Variants in DSCAM observed in about 807,000 individuals in gnomAD.
DSCAM encodes DS cell adhesion molecule, also known as cell adhesion molecule DSCAM.
DSCAM carries 47 observed loss-of-function variants against 217.7 expected under a neutral mutation model. That is an observed-to-expected ratio of 0.22 (90% CI 0.17 to 0.28). The LOEUF (loss-of-function observed/expected upper bound fraction) is 0.28. Ranked by LOEUF, DSCAM falls within the 10% of genes least tolerant of loss-of-function variation. The pLI is 1.00. For synonymous variants in DSCAM, 1,056 were observed against 1,015.3 expected (o/e 1.04, Z -0.76); for missense variants, 2,080 against 2,618.3 (o/e 0.79, Z 4.49).
At chr21:40,528,155 T>C (rs1008935138) in intron 3 of DSCAM, among the ~76,000 whole-genome samples, 2 of 152,178 alleles carry the variant, frequency 1.3e-5, no homozygotes, top group Admixed American at 1.3e-4. Context: ...AAGCTCTCCA[T>C]GACATAAGCA....
chr21:40,815,353 C>T (rs1464581161), intron 1 of DSCAM, among the ~76,000 whole-genome samples: 2 of 152,046 alleles, frequency 1.3e-5, no homozygotes, highest in Non-Finnish European at 2.9e-5. Context: ...CCTGGGCTGA[C>T]ACAGATAATG....
At chr21:40,519,676 A>C (rs1351244612) in intron 3 of DSCAM, among the ~76,000 whole-genome samples, 1 of 152,192 alleles carries the variant, frequency 6.6e-6, no homozygotes, top group Non-Finnish European at 1.5e-5. Flanking sequence ...TGACAGCCCA[A>C]ATAGACTAAG....
At chr21:40,504,235 G>A (rs2076192997) in intron 3 of DSCAM, among the ~76,000 whole-genome samples, 1 of 152,136 alleles carries the variant, frequency 6.6e-6, no homozygotes, top group African/African-American at 2.4e-5. Context: ...GGAGAGAGGA[G>A]GAAGAGGATT....
At chr21:40,743,355 T>G (rs572617870) in intron 1 of DSCAM, among the ~76,000 whole-genome samples, 9 of 152,206 alleles carry the variant, frequency 5.9e-5, no homozygotes, top group East Asian at 1.9e-4. Flanking sequence ...TGGCAACAAC[T>G]TTGCTATATC....
At chr21:40,475,857 T>A (rs8134418) in intron 3 of DSCAM, among the ~76,000 whole-genome samples, 31,601 of 151,028 alleles carry the variant, frequency 0.21, 4,036 homozygotes, top group African/African-American at 0.35. Context: ...AAATAAAATT[T>A]AAAAAAAAAC....
intron 1 of DSCAM, among the ~76,000 whole-genome samples, chr21:40,726,724 C>T (rs2090959276): frequency 1.3e-5 from 2 of 152,120 alleles, no homozygotes; most frequent in Admixed American, 1.3e-4. Context: ...ATGTTTGCCC[C>T]CACTCGAACT....
At chr21:40,292,524 G>C (rs1231874458) in intron 10 of DSCAM, among the ~76,000 whole-genome samples, 1 of 151,376 alleles carries the variant, frequency 6.6e-6, no homozygotes, top group Non-Finnish European at 1.5e-5. Flanking sequence ...CTAATATCCA[G>C]TATTATTTTG....
intron 3 of DSCAM, among the ~76,000 whole-genome samples, chr21:40,413,002 G>A (rs371528836): frequency 1.1e-4 from 16 of 152,248 alleles, no homozygotes; most frequent in Admixed American, 9.8e-4. Context: ...GAGGGTACAA[G>A]CCTCAAGTCT....
chr21:40,711,870 CA>C (rs36040261), intron 1 of DSCAM, among the ~76,000 whole-genome samples: 23,216 of 152,148 alleles, frequency 0.15, 1,804 homozygotes, highest in East Asian at 0.23. Context: ...CTTGAGAATA[CA>C]CTCCCAGGAG....
At chr21:40,366,199 G>A (rs1199699636) in intron 4 of DSCAM, among the ~76,000 whole-genome samples, 3 of 152,072 alleles carry the variant, frequency 2.0e-5, no homozygotes, top group African/African-American at 7.2e-5. Context: ...TTAATGACAG[G>A]AGACTTTTTT....
chr21:40,090,645 T>C (rs1285290447), intron 21 of DSCAM, among the ~76,000 whole-genome samples: 1 of 152,080 alleles, frequency 6.6e-6, no homozygotes, highest in East Asian at 1.9e-4. Flanking sequence ...CCCTTTTCCT[T>C]TGCCTGCTCC....
At chr21:40,334,795 G>A (rs151155317) in intron 8 of DSCAM, among the ~76,000 whole-genome samples, 14 of 152,134 alleles carry the variant, frequency 9.2e-5, no homozygotes, top group Admixed American at 6.5e-4. Context: ...CTACGGGCTC[G>A]TCCCACCTTG....
At chr21:40,329,541 G>A (rs2074352921) in intron 8 of DSCAM, among the ~76,000 whole-genome samples, 2 of 151,806 alleles carry the variant, frequency 1.3e-5, no homozygotes, top group African/African-American at 4.8e-5. Context: ...TTGAACCCAG[G>A]AGGCAGAGGA....
At chr21:40,288,739 A>T (rs1379112465) in intron 10 of DSCAM, among the ~76,000 whole-genome samples, 1 of 152,250 alleles carries the variant, frequency 6.6e-6, no homozygotes, top group Non-Finnish European at 1.5e-5. Flanking sequence ...TATTAATAAT[A>T]GCTAATACAT....
rs1056719929 is a variant in DSCAM at position 40,106,666 on chromosome 21, C to T, written c.3697-12792G>A. ...CTTCAGAACTCATTATTGGTATGTT[C>T]GGGGATTCAATTTCTTCCTATTTCA... On this transcript the variant is annotated intron_variant, in intron 20 of 32. Transcript: ENST00000400454. Among the ~76,000 whole-genome samples, 5 of 152,178 alleles carry T rather than the reference C, an allele frequency of 3.3e-5. No homozygotes were observed. In the East Asian group the frequency reaches 5.8e-4, roughly 18 times the overall value.
At chr21:40,637,123 AT>A (rs1214917094) in intron 3 of DSCAM, among the ~76,000 whole-genome samples, 5,786 of 87,534 alleles carry the variant, frequency 0.066, 732 homozygotes, top group Middle Eastern at 0.12. Context: ...ATATATATAT[AT>A]ATATAAATAT....
At chr21:40,374,289 A>G (rs2074928655) in intron 3 of DSCAM, among the ~76,000 whole-genome samples, 1 of 152,246 alleles carries the variant, frequency 6.6e-6, no homozygotes, top group Non-Finnish European at 1.5e-5. Flanking sequence ...TGGACAATCC[A>G]CAGGTGTATA....
intron 16 of DSCAM, among the ~76,000 whole-genome samples, chr21:40,152,594 C>T (rs2090435157): frequency 6.6e-6 from 1 of 152,222 alleles, no homozygotes; most frequent in Non-Finnish European, 1.5e-5. Flanking sequence ...CCAAATCCCT[C>T]CCAACCTCCA....
At chr21:40,265,521 G>T (rs777185294) in intron 11 of DSCAM, among the ~76,000 whole-genome samples, 2 of 150,998 alleles carry the variant, frequency 1.3e-5, no homozygotes, top group Non-Finnish European at 2.9e-5. Flanking sequence ...AACCAAAAAA[G>T]AGCTAGAATA....
Sources: gnomAD v4.1 joint callset for allele counts (sites outside exome capture counted in the v4.1 genomes callset) on GRCh38, gnomAD v4.1.1 for gene constraint, MANE v1.5 for transcripts, NCBI Gene and HGNC (gene_info 2026-07-23, HGNC 2026-07-21) for gene names.